The following TMC2 variants were observed in gnomAD, a reference collection of about 807,000 sequenced individuals.
The protein encoded by TMC2 is transmembrane channel-like protein 2.
A neutral mutation model predicts 105.9 loss-of-function variants in TMC2; 102 were observed. That is an observed-to-expected ratio of 0.96 (90% CI 0.82 to 1.14). TMC2 has a LOEUF of 1.14. Ranked by LOEUF, TMC2 falls within the 50% of genes most tolerant of loss-of-function variation. The pLI is 0.00. For synonymous variants in TMC2, 402 were observed against 422.8 expected (o/e 0.95, Z 0.60); for missense variants, 1,093 against 1,134.3 (o/e 0.96, Z 0.52).
chr20:2,596,458 C>T (rs1188816155), intron 9 of TMC2, among the ~76,000 whole-genome samples: 1 of 151,870 alleles, frequency 6.6e-6, no homozygotes, highest in African/African-American at 2.4e-5. Flanking sequence ...ATGGCAAAAC[C>T]CCATCTCTAC....
At chr20:2,628,487 T>C (rs989410249) in intron 17 of TMC2, among the ~76,000 whole-genome samples, 6 of 152,316 alleles carry the variant, frequency 3.9e-5, no homozygotes, top group African/African-American at 1.2e-4. Flanking sequence ...ACATTTCATC[T>C]TGAATTGTAA....
intron 7 of TMC2, among the ~76,000 whole-genome samples, chr20:2,584,336 T>C (rs112057141): frequency 0.11 from 14,575 of 130,964 alleles, 1,636 homozygotes; most frequent in African/African-American, 0.23. Flanking sequence ...CCCAGCTACT[T>C]GGGAGGCTGA....
At chr20:2,576,401 C>G (rs1199461774) in intron 5 of TMC2, among the ~76,000 whole-genome samples, 2 of 152,120 alleles carry the variant, frequency 1.3e-5, no homozygotes, top group African/African-American at 4.8e-5. Flanking sequence ...GTTCTGGGGC[C>G]TCACTTTTCA....
intron 4 of TMC2, among the ~76,000 whole-genome samples, chr20:2,567,940 A>G (rs1428739708): frequency 6.6e-6 from 1 of 152,220 alleles, no homozygotes; most frequent in African/African-American, 2.4e-5. Flanking sequence ...AAATTACCCA[A>G]TCTAAACTAT....
At chr20:2,611,395 T>C (rs2086437281) in intron 12 of TMC2, among the ~76,000 whole-genome samples, 2 of 152,156 alleles carry the variant, frequency 1.3e-5, no homozygotes, top group African/African-American at 4.8e-5. Flanking sequence ...TCCCCACTCA[T>C]CTCTGGCTTC....
chr20:2,582,463 TA>T lies in TMC2; in HGVS notation c.834+2414del, dbSNP rs778221994. 2.0e-5 allele frequency among the ~76,000 whole-genome samples: 3 copies of T among 152,160 alleles called. No homozygotes were observed. In the South Asian group the frequency reaches 6.2e-4, roughly 32 times the overall value. On this transcript the variant is annotated intron_variant, in intron 7 of 19. Transcript: ENST00000358864. The stretch of plus-strand genomic sequence containing the variant: ...GTAGAAGTGCTCAAACATGACTTTT[TA>T]AAAAAATTATTTATATATATATAGA...
chr20:2,576,168 A>G (rs898990542), intron 5 of TMC2, among the ~76,000 whole-genome samples: 2 of 152,190 alleles, frequency 1.3e-5, no homozygotes, highest in African/African-American at 4.8e-5. Context: ...GTCTTGCTCC[A>G]CCATGACTTG....
At position 2,602,304 on chromosome 20, in the gene TMC2, A is replaced by G. The variant is rs747336282; in HGVS notation, c.1413+3A>G. The stretch of plus-strand genomic sequence containing the variant: ...TCAGCTGGTATGAAAGGAATGAGGT[A>G]AGAAAAACATCGCTGATGAACTGAA... On this transcript the variant is annotated splice_donor_region_variant and intron_variant, in intron 11 of 19. Transcript: ENST00000358864. 4 of 1,578,842 alleles carry G rather than the reference A, an allele frequency of 2.5e-6. No individual in the cohort carries two copies. The South Asian group carries it at 3.5e-5, about 14-fold the overall frequency.
chr20:2,604,008 A>C (rs2086370770), intron 11 of TMC2, among the ~76,000 whole-genome samples: 1 of 152,210 alleles, frequency 6.6e-6, no homozygotes, highest in Admixed American at 6.5e-5. Flanking sequence ...ACACACAGGC[A>C]GTAATAAGAG....
intron 4 of TMC2, among the ~76,000 whole-genome samples, chr20:2,570,014 A>G (rs2086092055): frequency 6.6e-6 from 1 of 152,248 alleles, no homozygotes; most frequent in Non-Finnish European, 1.5e-5. Flanking sequence ...TGAGAAACTC[A>G]TAGTGAAATT....
At chr20:2,538,978 T>C (rs377099837) in intron 2 of TMC2, among the ~76,000 whole-genome samples, 12 of 152,340 alleles carry the variant, frequency 7.9e-5, no homozygotes, top group Admixed American at 7.2e-4. Flanking sequence ...AGTTTGTTAC[T>C]GTGTTCCTTG....
At chr20:2,627,953 A>C (rs2086575653) in intron 17 of TMC2, among the ~76,000 whole-genome samples, 1 of 152,108 alleles carries the variant, frequency 6.6e-6, no homozygotes, top group Admixed American at 6.6e-5. Flanking sequence ...AGATCACCTG[A>C]GGTCAGGAGT....
chr20:2,575,304 C>T (rs1490251170), intron 5 of TMC2, among the ~76,000 whole-genome samples: 2 of 152,144 alleles, frequency 1.3e-5, no homozygotes, highest in African/African-American at 4.8e-5. Flanking sequence ...TCAAATAGTA[C>T]TGCTAGTTCA....
At chr20:2,606,756 C>A (rs1052874589) in intron 11 of TMC2, among the ~76,000 whole-genome samples, 2 of 151,370 alleles carry the variant, frequency 1.3e-5, no homozygotes, top group African/African-American at 4.8e-5. Context: ...CTATTAACTT[C>A]TTTCTTCATA....
At chr20:2,563,592 A>C (rs2086042829) in intron 4 of TMC2, among the ~76,000 whole-genome samples, 1 of 152,230 alleles carries the variant, frequency 6.6e-6, no homozygotes, top group African/African-American at 2.4e-5. Context: ...GGATACCTGA[A>C]AATTGCTAAG....
chr20:2,559,446 A>G lies in TMC2; in HGVS notation c.401+672A>G, dbSNP rs191739651. On this transcript the variant is annotated intron_variant, in intron 3 of 19. Transcript: ENST00000358864. ...TTTGGGGTTCATGTTTTTGTTATCA[A>G]TTTTAATAGGTGTCTCTCTCTTTGC... Among the ~76,000 whole-genome samples the G allele has an allele frequency of 7.3e-4, 111 of 152,296 alleles. 1 individual carries two copies. Among genetic ancestry groups the G allele is most frequent in the Middle Eastern group, 3.4e-3 (1 of 294 alleles).
intron 10 of TMC2, among the ~76,000 whole-genome samples, chr20:2,598,750 G>GA (rs138924916): frequency 0.026 from 4,022 of 152,164 alleles, 187 homozygotes; most frequent in African/African-American, 0.091. Flanking sequence ...CTAAACAAGA[G>GA]TTTTTTTCAT....
Position 2,597,221 on chromosome 20 carries a change from T to A in TMC2, c.1147T>A (p.Phe383Ile), listed in dbSNP as rs1283083093. 1 of 1,614,100 alleles carries A rather than the reference T, an allele frequency of 6.2e-7. No homozygotes were observed. The highest frequency in any genetic ancestry group is 8.5e-7 in the Non-Finnish European group (1 of 1,179,988). ...CAACTTCACATTCAGCTTCAAGATG[T>A]TCACCAGCTGGGACTACCTGATCGG... ...SDNFTFSFKMFTSWDYLIGNS... is the reference protein window; with the variant it reads ...SDNFTFSFKMITSWDYLIGNS... Residue 383 changes from phenylalanine (F) to isoleucine (I), a missense_variant, in exon 10 of 20, where the codon TTC becomes ATC. Transcript: ENST00000358864.
chr20:2,599,622 T>G (rs1383210321), intron 10 of TMC2, among the ~76,000 whole-genome samples: 1 of 151,064 alleles, frequency 6.6e-6, no homozygotes, highest in Non-Finnish European at 1.5e-5. Context: ...CTATTTTTTG[T>G]AGAGATGAAG....
Sources: gnomAD v4.1 joint callset for allele counts (sites outside exome capture counted in the v4.1 genomes callset) on GRCh38, gnomAD v4.1.1 for gene constraint, MANE v1.5 for transcripts, NCBI Gene and HGNC (gene_info 2026-07-23, HGNC 2026-07-21) for gene names.